USH2A: variants seen among roughly 807,000 people sequenced by gnomAD.
USH2A encodes Usher syndrome 2A (autosomal recessive, mild).
USH2A carries 443 observed loss-of-function variants against 538.9 expected under a neutral mutation model. The observed-to-expected ratio is 0.82, with a 90% CI of 0.76 to 0.89. The LOEUF is 0.89. Ranked by LOEUF, USH2A falls within the 40% of genes least tolerant of loss-of-function variation. USH2A has a pLI of 0.00. For missense variants in USH2A, 6,633 were observed against 6,324.8 expected (o/e 1.05, Z -1.65); for synonymous variants, 2,413 against 2,273.5 (o/e 1.06, Z -1.75).
chr1:216,386,333 T>G (rs2039003823), intron 3 of USH2A, among the ~76,000 whole-genome samples: 1 of 150,372 alleles, frequency 6.7e-6, no homozygotes, highest in Non-Finnish European at 1.5e-5. Context: ...CCATCTCTAC[T>G]AAAAATACAA....
At chr1:216,020,721 G>A (rs1043430129) in intron 32 of USH2A, among the ~76,000 whole-genome samples, 3 of 152,164 alleles carry the variant, frequency 2.0e-5, no homozygotes, top group South Asian at 2.1e-4. Flanking sequence ...GAGAAGGGGA[G>A]TGGCTGGAAA....
At chr1:215,761,997 G>A (rs1052787795) in intron 56 of USH2A, among the ~76,000 whole-genome samples, 4 of 152,230 alleles carry the variant, frequency 2.6e-5, no homozygotes, top group African/African-American at 7.2e-5. Context: ...AGAACAAAAT[G>A]CAATTTATTT....
chr1:216,292,238 A>G lies in USH2A; in HGVS notation c.1777T>C (p.Phe593Leu), dbSNP rs2037015450. 6.2e-7 allele frequency: 1 copy of G among 1,614,106 alleles called. No homozygotes were observed. Among genetic ancestry groups the G allele is most frequent in the Non-Finnish European group, 8.5e-7 (1 of 1,179,968 alleles). The change falls in exon 10 of 72, where the codon TTT becomes CTT. Residue 593 changes from phenylalanine (F) to leucine (L), a missense_variant. Coordinates refer to ENST00000307340, the MANE Select transcript of USH2A (RefSeq NM_206933.4). ...SCHYNISVDP[F>L]PFEHFRGGGG... ...CCCCCTCTGAAGTGCTCAAAAGGAA[A>G]TGGGTCTACAGAGATGTTGTAATGG...
intron 62 of USH2A, 115 bp downstream of exon 62, chr1:215,680,034 G>T: frequency 1.9e-6 from 2 of 1,028,786 alleles, no homozygotes; most frequent in South Asian, 1.3e-5. Flanking sequence ...AGCTATCAAG[G>T]AGAATTAAAC....
chr1:215,893,201 A>G (rs1276290932), intron 40 of USH2A, among the ~76,000 whole-genome samples: 1 of 152,198 alleles, frequency 6.6e-6, no homozygotes, highest in Non-Finnish European at 1.5e-5. Context: ...ACAAGATTAA[A>G]TGAATCTATG....
intron 35 of USH2A, among the ~76,000 whole-genome samples, chr1:215,980,468 CA>C (rs1667724489): frequency 6.6e-6 from 1 of 152,024 alleles, no homozygotes; most frequent in Non-Finnish European, 1.5e-5. Flanking sequence ...TATACAATAT[CA>C]ATTCTATTTT....
At chr1:215,681,083 C>A (rs796178675) in intron 61 of USH2A, among the ~76,000 whole-genome samples, 2 of 152,020 alleles carry the variant, frequency 1.3e-5, no homozygotes, top group South Asian at 2.1e-4. Context: ...AGAATTTGGT[C>A]TTTGTTGCTT....
Position 215,996,560 on chromosome 1 carries a change from G to GTTTTTTTTTT in USH2A, c.6657+2317_6657+2326dup, listed in dbSNP as rs753233925. Reference sequence around the variant, plus strand: ...TTTGTTGAGAGTAGCAACATATTATGTTTTTTTTTTTTTTTTTTTTTTTTT... The same window carrying GTTTTTTTTTT: ...TTTGTTGAGAGTAGCAACATATTATGTTTTTTTTTTTTTTTTTTTTTTTTTTTTTTTTTTT... On this transcript the variant is annotated intron_variant, in intron 34 of 71. Transcript: ENST00000307340. Among the ~76,000 whole-genome samples the GTTTTTTTTTT allele has an allele frequency of 3.7e-4, 19 of 51,718 alleles. 3 individuals carry two copies. The highest frequency in any genetic ancestry group is 5.6e-4 in the African/African-American group (6 of 10,788). 33.9% of individuals were successfully genotyped at this position (51,718 alleles called of 152,430 possible).
chr1:216,375,563 T>C (rs947558075), intron 3 of USH2A, among the ~76,000 whole-genome samples: 4 of 152,210 alleles, frequency 2.6e-5, no homozygotes, highest in Non-Finnish European at 5.9e-5. Flanking sequence ...AAGAGAATAT[T>C]GTAGCTGGTC....
chr1:215,846,065 G>A (rs377349391), intron 44 of USH2A, 32 bp from the exon 45 acceptor site: 1 of 1,602,750 alleles, frequency 6.2e-7, no homozygotes, highest in African/African-American at 1.3e-5. Context: ...CATGGTGAAT[G>A]TAGCTGAGGC....
At chr1:215,947,820 T>G (rs868755681) in intron 37 of USH2A, among the ~76,000 whole-genome samples, 2 of 152,236 alleles carry the variant, frequency 1.3e-5, no homozygotes, top group South Asian at 4.1e-4. Context: ...CAATGAAACA[T>G]AATTTAATTC....
intron 37 of USH2A, among the ~76,000 whole-genome samples, chr1:215,961,419 T>C (rs996055773): frequency 2.0e-5 from 3 of 151,664 alleles, no homozygotes; most frequent in Admixed American, 1.3e-4. Flanking sequence ...ATGATATCAT[T>C]GATCAGAAAA....
At chr1:216,346,955 G>T (rs977190338) in intron 4 of USH2A, among the ~76,000 whole-genome samples, 2 of 151,990 alleles carry the variant, frequency 1.3e-5, no homozygotes, top group African/African-American at 4.8e-5. Flanking sequence ...TGTCAGAAAA[G>T]TAAAAAGTGT....
chr1:216,214,269 G>A (rs1046011227), intron 15 of USH2A, among the ~76,000 whole-genome samples: 3 of 151,982 alleles, frequency 2.0e-5, no homozygotes, highest in African/African-American at 7.2e-5. Flanking sequence ...ATTATTCATA[G>A]TAGACCAATG....
At chr1:215,645,667 C>A in intron 67 of USH2A, among the ~76,000 whole-genome samples, 1 of 152,160 alleles carries the variant, frequency 6.6e-6, no homozygotes, top group Non-Finnish European at 1.5e-5. Context: ...AGACATTGGT[C>A]TTTATGAATG....
intron 62 of USH2A, among the ~76,000 whole-genome samples, chr1:215,678,316 T>G (rs1256442584): frequency 6.6e-6 from 1 of 152,236 alleles, no homozygotes; most frequent in African/African-American, 2.4e-5. Flanking sequence ...GTTGGGACAA[T>G]CTGTCTCCTA....
In USH2A at chr1:215,625,365, C is replaced by CAGAT. The variant is rs1403903758; in HGVS notation, c.*412_*415dup. On this transcript the variant is annotated 3_prime_UTR_variant, in exon 72 of 72. Coordinates refer to ENST00000307340, the MANE Select transcript of USH2A (RefSeq NM_206933.4). Reference sequence around the variant, plus strand: ...ATTGTGTCAACCCTGACAGAAATGGCAGATAGAAATGAACAGCAGTGACAT... The same window carrying CAGAT: ...ATTGTGTCAACCCTGACAGAAATGGCAGATAGATAGAAATGAACAGCAGTGACAT... 2 of 244,494 alleles carry CAGAT rather than the reference C, an allele frequency of 8.2e-6. No individual in the cohort carries two copies. The highest frequency in any genetic ancestry group is 2.3e-5 in the African/African-American group (1 of 43,856). 15.1% of individuals were successfully genotyped at this position (244,494 alleles called of 1,614,324 possible). A position where few individuals can be genotyped will look rare whatever the true frequency, so the allele number is the denominator to read the frequency against.
At chr1:216,047,745 C>T (rs763396519) in intron 31 of USH2A, among the ~76,000 whole-genome samples, 14 of 152,022 alleles carry the variant, frequency 9.2e-5, no homozygotes, top group African/African-American at 2.9e-4. Flanking sequence ...AAAGATCAAG[C>T]GTTTAAATCT....
At chr1:215,639,004 CAA>C in intron 69 of USH2A, 149 bp downstream of exon 69, 12 of 583,640 alleles carry the variant, frequency 2.1e-5, no homozygotes, top group East Asian at 3.6e-5. Flanking sequence ...AAAAAAAAAA[CAA>C]AAAAAAAAAC....
Sources: allele counts gnomAD v4.1 joint callset (sites outside exome capture counted in the v4.1 genomes callset), GRCh38; gene constraint gnomAD v4.1.1; transcripts MANE v1.5; gene names NCBI Gene and HGNC (gene_info 2026-07-23, HGNC 2026-07-21).